TMEM132C: variants seen among roughly 807,000 people sequenced by gnomAD.
The protein encoded by TMEM132C is transmembrane protein 132C.
A neutral mutation model predicts 61.4 loss-of-function variants in TMEM132C; 29 were observed. The observed-to-expected ratio is 0.47, with a 90% confidence interval of 0.35 to 0.64. TMEM132C has a LOEUF of 0.64. Ranked by LOEUF, TMEM132C falls within the 30% of genes least tolerant of loss-of-function variation. The pLI is 0.00. For missense variants in TMEM132C, 1,408 were observed against 1,476.9 expected (o/e 0.95, Z 0.76); for synonymous variants, 656 against 633.1 (o/e 1.04, Z -0.54).
intron 3 of TMEM132C, among the ~76,000 whole-genome samples, chr12:128,569,925 A>G (rs1463430970): frequency 6.6e-6 from 1 of 152,206 alleles, no homozygotes; most frequent in Non-Finnish European, 1.5e-5. Context: ...CCTCAGATAC[A>G]TTGAAGTCTC....
chr12:128,568,234 C>T (rs547160647), intron 3 of TMEM132C, among the ~76,000 whole-genome samples: 5 of 152,202 alleles, frequency 3.3e-5, no homozygotes, highest in Non-Finnish European at 7.3e-5. Flanking sequence ...AGACCAAACG[C>T]TTTTCATGGT....
chr12:128,447,010 C>A (rs572612376), intron 2 of TMEM132C, among the ~76,000 whole-genome samples: 1 of 152,246 alleles, frequency 6.6e-6, no homozygotes, highest in South Asian at 2.1e-4. Context: ...GCAATTGGTA[C>A]ACGTGTGCTA....
At chr12:128,317,407 A>G (rs1327541994) in intron 1 of TMEM132C, among the ~76,000 whole-genome samples, 2 of 152,246 alleles carry the variant, frequency 1.3e-5, no homozygotes, top group African/African-American at 4.8e-5. Flanking sequence ...CAAATACCAG[A>G]TGATGAAACA....
rs185136567 is a variant in TMEM132C, at chr12:128,580,400, G to A, written c.1122-35752G>A. 3.3e-3 allele frequency among the ~76,000 whole-genome samples: 504 copies of A among 152,094 alleles called. 1 individual carries two copies. Among genetic ancestry groups the A allele is most frequent in the African/African-American group, 0.012 (485 of 41,480 alleles). The stretch of plus-strand genomic sequence containing the variant: ...CGCGCCACTGCATTCCAGCCTGGGC[G>A]ACAGAGCCAGACTCCATCTCAAAAA... On this transcript the variant is annotated intron_variant, in intron 3 of 8. Transcript: ENST00000435159.
At chr12:128,602,511 G>T in intron 3 of TMEM132C, among the ~76,000 whole-genome samples, 1 of 152,240 alleles carries the variant, frequency 6.6e-6, no homozygotes, top group East Asian at 1.9e-4. Flanking sequence ...GAAATGTTAG[G>T]TCTTCAGGTA....
intron 2 of TMEM132C, among the ~76,000 whole-genome samples, chr12:128,508,111 A>G (rs1872438902): frequency 6.6e-6 from 1 of 152,204 alleles, no homozygotes. Flanking sequence ...GAGACTGGGA[A>G]GAAAAAGAGG....
chr12:128,559,857 T>C (rs895916749), intron 3 of TMEM132C, among the ~76,000 whole-genome samples: 2 of 152,220 alleles, frequency 1.3e-5, no homozygotes, highest in Non-Finnish European at 2.9e-5. Context: ...CCTTGTGTCT[T>C]CTCTAAATTC....
chr12:128,406,109 AG>A (rs1043659398), intron 1 of TMEM132C, among the ~76,000 whole-genome samples: 4 of 152,216 alleles, frequency 2.6e-5, no homozygotes, highest in African/African-American at 9.6e-5. Flanking sequence ...ATGGCTGCAG[AG>A]GGTTGCCATC....
intron 1 of TMEM132C, among the ~76,000 whole-genome samples, chr12:128,401,008 A>G (rs1335252385): frequency 6.6e-6 from 1 of 152,138 alleles, no homozygotes; most frequent in South Asian, 2.1e-4. Flanking sequence ...GTTTAGGCCT[A>G]TGTGTAACTG....
intron 1 of TMEM132C, among the ~76,000 whole-genome samples, chr12:128,298,429 T>A (rs1020139339): frequency 1.2e-4 from 18 of 152,240 alleles, no homozygotes; most frequent in African/African-American, 2.2e-4. Context: ...CTTTTTTTTT[T>A]AAATAGAGAC....
At chr12:128,603,147 G>A (rs1371897621) in intron 3 of TMEM132C, among the ~76,000 whole-genome samples, 2 of 152,084 alleles carry the variant, frequency 1.3e-5, no homozygotes, top group East Asian at 1.9e-4. Context: ...AGCAGTGCAC[G>A]GAGAGAGTGA....
chr12:128,638,617 G>A (rs561861149), intron 4 of TMEM132C, among the ~76,000 whole-genome samples: 1 of 152,324 alleles, frequency 6.6e-6, no homozygotes, highest in Admixed American at 6.5e-5. Flanking sequence ...TGGTCACACA[G>A]CTTGGAAAGG....
chr12:128,679,431 G>A (rs7299149), intron 5 of TMEM132C, among the ~76,000 whole-genome samples: 5,748 of 152,278 alleles, frequency 0.038, 328 homozygotes, highest in African/African-American at 0.13. Flanking sequence ...CAGTTGTGTG[G>A]GCTGGGATCC....
At chr12:128,329,883 G>A (rs1319285855) in intron 1 of TMEM132C, among the ~76,000 whole-genome samples, 1 of 152,174 alleles carries the variant, frequency 6.6e-6, no homozygotes, top group Non-Finnish European at 1.5e-5. Flanking sequence ...GCTGAGGTTC[G>A]ATTTGTCCCG....
At chr12:128,434,885 G>A (rs1368587364) in intron 2 of TMEM132C, among the ~76,000 whole-genome samples, 1 of 151,816 alleles carries the variant, frequency 6.6e-6, no homozygotes, top group Non-Finnish European at 1.5e-5. Context: ...ACCTCCCAAA[G>A]TGCTGGGATT....
chr12:128,292,252 G>A (rs1192588788), intron 1 of TMEM132C, among the ~76,000 whole-genome samples: 2 of 152,080 alleles, frequency 1.3e-5, no homozygotes, highest in Non-Finnish European at 2.9e-5. Flanking sequence ...CAAAAGAATC[G>A]TGGTCAAACA....
At chr12:128,362,413 C>A (rs953724126) in intron 1 of TMEM132C, among the ~76,000 whole-genome samples, 2 of 152,090 alleles carry the variant, frequency 1.3e-5, no homozygotes, top group East Asian at 1.9e-4. Context: ...TCATCTCAAG[C>A]GAAGATTCAT....
At chr12:128,369,919 G>A (rs1031364716) in intron 1 of TMEM132C, among the ~76,000 whole-genome samples, 14 of 152,222 alleles carry the variant, frequency 9.2e-5, no homozygotes, top group Non-Finnish European at 1.8e-4. Flanking sequence ...ATCTGCCACA[G>A]CGTTTCCCTG....
At chr12:128,638,007 G>C (rs531537586) in intron 4 of TMEM132C, among the ~76,000 whole-genome samples, 1 of 152,324 alleles carries the variant, frequency 6.6e-6, no homozygotes, top group Non-Finnish European at 1.5e-5. Context: ...GGAAACATGA[G>C]AGTGCTTTCA....
Sources: gnomAD v4.1 joint callset for allele counts (sites outside exome capture counted in the v4.1 genomes callset) on GRCh38, gnomAD v4.1.1 for gene constraint, MANE v1.5 for transcripts, NCBI Gene and HGNC (gene_info 2026-07-23, HGNC 2026-07-21) for gene names.